The following TUBD1 variants were observed in gnomAD, a reference collection of about 807,000 sequenced individuals.
TUBD1 encodes tubulin delta 1.
Under a neutral mutation model 51.2 loss-of-function variants are expected in TUBD1, and 38 were observed. The observed-to-expected ratio is 0.74, with a 90% CI of 0.57 to 0.97. The LOEUF (loss-of-function observed/expected upper bound fraction) is 0.97. Among genes scored for constraint, TUBD1 ranks in the 50% least tolerant of loss-of-function variants. The pLI, the probability that TUBD1 is intolerant of heterozygous loss-of-function variation, is 0.00. For synonymous variants in TUBD1, 169 were observed against 178.2 expected (o/e 0.95, Z 0.41); for missense variants, 489 against 538.4 (o/e 0.91, Z 0.91).
intron 6 of TUBD1, among the ~76,000 whole-genome samples, chr17:59,873,789 C>T (rs779488530): frequency 1.1e-4 from 17 of 152,024 alleles, no homozygotes; most frequent in Admixed American, 1.3e-4. Flanking sequence ...TGCTTGAATC[C>T]GGGAGGCAGA....
intron 6 of TUBD1, among the ~76,000 whole-genome samples, chr17:59,871,478 G>T (rs1598522412): frequency 6.6e-6 from 1 of 152,234 alleles, no homozygotes; most frequent in South Asian, 2.1e-4. Context: ...GATTACAGGT[G>T]TGAGCCACTG....
intron 8 of TUBD1, among the ~76,000 whole-genome samples, chr17:59,861,922 T>C (rs1184262843): frequency 6.6e-6 from 1 of 150,910 alleles, no homozygotes; most frequent in Non-Finnish European, 1.5e-5. Context: ...CACCTTGGCC[T>C]CCCAAAGTGC....
chr17:59,872,071 A>T (rs2040006719), intron 6 of TUBD1, among the ~76,000 whole-genome samples: 2 of 152,018 alleles, frequency 1.3e-5, no homozygotes, highest in Non-Finnish European at 2.9e-5. Flanking sequence ...CTCCTGCCTC[A>T]GCCTCTTGGG....
intron 7 of TUBD1, among the ~76,000 whole-genome samples, chr17:59,865,053 T>A (rs1452438287): frequency 6.6e-6 from 1 of 151,518 alleles, no homozygotes; most frequent in Admixed American, 6.6e-5. Context: ...AGATGGGGTC[T>A]CGTTATGTTG....
intron 6 of TUBD1, 120 bp from the exon 7 acceptor site, chr17:59,866,869 C>T (rs946531771): frequency 1.6e-5 from 12 of 747,762 alleles, no homozygotes; most frequent in Middle Eastern, 3.5e-4. Flanking sequence ...CTGCAACCTC[C>T]ATCTCCCAGG....
Position 59,863,812 on chromosome 17 carries a change from A to G in TUBD1, c.1111T>C (p.Leu371=). ...ACGTTGAAAGCATTAACAGGCTTCA[A>G]CCAGGAAGTATACAGAGCTGGATCT... is the stretch of plus-strand genomic sequence containing the variant. ...FKDPALYTSW[L]KPVNAFNVWK... is the part of the protein sequence containing the mutation. The change falls in exon 8 of 9, where the codon TTG becomes CTG. Residue 371 remains leucine, a synonymous_variant. Coordinates refer to ENST00000325752, the MANE Select transcript of TUBD1 (RefSeq NM_016261.4). 2 of 1,599,820 alleles carry G rather than the reference A, an allele frequency of 1.3e-6. No homozygotes were observed. The highest frequency in any genetic ancestry group is 1.7e-6 in the Non-Finnish European group (2 of 1,175,304).
intron 6 of TUBD1, among the ~76,000 whole-genome samples, chr17:59,869,723 T>C (rs529615397): frequency 1.3e-3 from 203 of 152,314 alleles, no homozygotes; most frequent in African/African-American, 4.6e-3. Flanking sequence ...CCTCTGGCAC[T>C]ATAATCTAAA....
chr17:59,877,510 G>A (rs1041434193), intron 5 of TUBD1, among the ~76,000 whole-genome samples: 2 of 152,186 alleles, frequency 1.3e-5, no homozygotes, highest in Non-Finnish European at 2.9e-5. Context: ...GGCCGGGTGC[G>A]GTGGCTCACG....
chr17:59,878,491 T>C (rs1357908201), intron 4 of TUBD1, 157 bp from the exon 5 acceptor site: 41 of 246,910 alleles, frequency 1.7e-4, no homozygotes, highest in East Asian at 1.6e-3. Flanking sequence ...TCAGTTTCCT[T>C]TTTTTTTTTT....
chr17:59,862,491 A>C (rs1249807538), intron 8 of TUBD1, among the ~76,000 whole-genome samples: 1 of 151,976 alleles, frequency 6.6e-6, no homozygotes, highest in African/African-American at 2.4e-5. Context: ...AATCTTATTG[A>C]GGAACATAAG....
intron 7 of TUBD1, among the ~76,000 whole-genome samples, chr17:59,864,926 T>G (rs1568279811): frequency 6.6e-6 from 1 of 151,800 alleles, no homozygotes; most frequent in African/African-American, 2.4e-5. Flanking sequence ...CCACCATCAT[T>G]GGTCACTGCA....
rs182151611 is a variant in TUBD1 at position 59,865,673 on chromosome 17, T to G, written c.1075+936A>C. On this transcript the variant is annotated intron_variant, in intron 7 of 8. Transcript: ENST00000325752. The stretch of plus-strand genomic sequence containing the variant: ...ATACCACTGGTTGTCCAGCAATTCC[T>G]GCTCCTTAGCAATTCCCGTTCACCC... Among the ~76,000 whole-genome samples, 23 of 152,372 alleles carry G rather than the reference T, an allele frequency of 1.5e-4. No homozygotes were observed. The East Asian group carries it at 1.5e-3, about 10-fold the overall frequency.
intron 8 of TUBD1, among the ~76,000 whole-genome samples, chr17:59,861,443 C>T (rs1598492573): frequency 6.6e-6 from 1 of 151,994 alleles, no homozygotes; most frequent in Non-Finnish European, 1.5e-5. Context: ...AAGTGATCCA[C>T]CTGCCTTGGC....
chr17:59,872,065 T>C (rs915288254), intron 6 of TUBD1, among the ~76,000 whole-genome samples: 2 of 152,144 alleles, frequency 1.3e-5, no homozygotes, highest in Non-Finnish European at 2.9e-5. Flanking sequence ...GCCACTCTCC[T>C]GCCTCAGCCT....
intron 1 of TUBD1, among the ~76,000 whole-genome samples, chr17:59,891,471 T>C (rs1306350227): frequency 2.0e-5 from 3 of 152,126 alleles, no homozygotes; most frequent in Non-Finnish European, 1.5e-5. Context: ...ACGTATATAA[T>C]ATTGGAGATA....
At chr17:59,888,489 T>A (rs1425926121) in intron 2 of TUBD1, among the ~76,000 whole-genome samples, 1 of 152,134 alleles carries the variant, frequency 6.6e-6, no homozygotes, top group East Asian at 1.9e-4. Flanking sequence ...GGAATAGAGA[T>A]GTTGAGTTTC....
At chr17:59,866,121 A>AG (rs2039687945) in intron 7 of TUBD1, among the ~76,000 whole-genome samples, 1 of 150,902 alleles carries the variant, frequency 6.6e-6, no homozygotes, top group East Asian at 1.9e-4. Context: ...AAAAAAAAAA[A>AG]AAAAAAAAAA....
intron 8 of TUBD1, among the ~76,000 whole-genome samples, chr17:59,862,116 G>A (rs1429583425): frequency 1.3e-5 from 2 of 151,054 alleles, no homozygotes; most frequent in Non-Finnish European, 3.0e-5. Context: ...CTGAGGTCAG[G>A]AGTTCGAGAC....
At chr17:59,875,554 C>G (rs571130442) in intron 5 of TUBD1, among the ~76,000 whole-genome samples, 1 of 151,676 alleles carries the variant, frequency 6.6e-6, no homozygotes, top group Non-Finnish European at 1.5e-5. Context: ...TAAGACCAGC[C>G]TGGCCAACAT....
Sources: allele counts gnomAD v4.1 joint callset (sites outside exome capture counted in the v4.1 genomes callset), GRCh38; gene constraint gnomAD v4.1.1; transcripts MANE v1.5; gene names NCBI Gene and HGNC (gene_info 2026-07-23, HGNC 2026-07-21).